The following TBCEL variants were observed in gnomAD, a reference collection of about 807,000 sequenced individuals.
The protein encoded by TBCEL is tubulin folding cofactor E like.
Under a neutral mutation model 44.2 loss-of-function variants are expected in TBCEL, and 15 were observed. The observed-to-expected ratio is 0.34, with a 90% CI of 0.23 to 0.52. TBCEL has a LOEUF of 0.52. Ranked by LOEUF, TBCEL falls within the 20% of genes least tolerant of loss-of-function variation. The pLI, the probability that TBCEL is intolerant of heterozygous loss-of-function variation, is 0.95. For missense variants in TBCEL, 319 were observed against 506.3 expected (o/e 0.63, Z 3.55); for synonymous variants, 171 against 185.4 (o/e 0.92, Z 0.63).
intron 6 of TBCEL, chr11:121,057,636 A>G (rs1035399851): frequency 2.0e-5 from 9 of 454,276 alleles, no homozygotes; most frequent in Middle Eastern, 3.6e-4. Context: ...TGCACTGAAC[A>G]TGCACAGACT....
chr11:121,076,498 A>G (rs34505832), intron 8 of TBCEL, among the ~76,000 whole-genome samples: 16,584 of 152,012 alleles, frequency 0.11, 1,003 homozygotes, highest in Middle Eastern at 0.16. Flanking sequence ...TAGAATTACA[A>G]TTGGTATTTG....
chr11:121,052,149 T>C (rs1945539831), intron 4 of TBCEL, among the ~76,000 whole-genome samples: 1 of 151,864 alleles, frequency 6.6e-6, no homozygotes, highest in East Asian at 1.9e-4. Context: ...ATGGTTCATA[T>C]TATGCTTATG....
intron 2 of TBCEL, among the ~76,000 whole-genome samples, chr11:121,043,758 T>C (rs1945376881): frequency 6.6e-6 from 1 of 152,152 alleles, no homozygotes; most frequent in Non-Finnish European, 1.5e-5. Flanking sequence ...GCTGTTTTCT[T>C]TCTTTTTCTT....
chr11:121,074,340 C>T (rs906041652), intron 8 of TBCEL, among the ~76,000 whole-genome samples: 1 of 151,944 alleles, frequency 6.6e-6, no homozygotes, highest in African/African-American at 2.4e-5. Context: ...TAGTTTCCAT[C>T]GCTATTTTGT....
Position 121,069,776 on chromosome 11 carries a change from A to G in TBCEL, c.956+9691A>G, listed in dbSNP as rs566074390. On this transcript the variant is annotated intron_variant, in intron 8 of 8. Coordinates refer to ENST00000683345, the MANE Select transcript of TBCEL (RefSeq NM_001363644.2). The stretch of plus-strand genomic sequence containing the variant: ...CGCTGCACTCCAGCCTGGGCGACAA[A>G]GCTAGACTGTCTGAAAAAAAAAAAG... Among the ~76,000 whole-genome samples, 4 of 152,220 alleles carry G rather than the reference A, an allele frequency of 2.6e-5. No individual in the cohort carries two copies. In the East Asian group the frequency reaches 7.7e-4, roughly 29 times the overall value.
At chr11:121,039,360 A>T (rs1440349577) in intron 2 of TBCEL, among the ~76,000 whole-genome samples, 1 of 152,210 alleles carries the variant, frequency 6.6e-6, no homozygotes, top group Non-Finnish European at 1.5e-5. Context: ...CTTATGTTGA[A>T]TTCACTATTT....
At chr11:121,053,294 G>A (rs1006498722) in intron 4 of TBCEL, among the ~76,000 whole-genome samples, 1 of 151,868 alleles carries the variant, frequency 6.6e-6, no homozygotes, top group African/African-American at 2.4e-5. Context: ...AGGCGACATA[G>A]GAAATCTTCC....
At chr11:121,081,346 T>C (rs1270290718) in intron 8 of TBCEL, among the ~76,000 whole-genome samples, 3 of 152,240 alleles carry the variant, frequency 2.0e-5, no homozygotes. Flanking sequence ...ACTTTACATT[T>C]TAGCATTTGA....
intron 2 of TBCEL, among the ~76,000 whole-genome samples, chr11:121,042,945 T>C (rs1053097654): frequency 9.9e-5 from 15 of 152,090 alleles, no homozygotes; most frequent in African/African-American, 3.4e-4. Context: ...CCATGTGCTT[T>C]CTATTGTACT....
intron 8 of TBCEL, among the ~76,000 whole-genome samples, chr11:121,065,693 G>A (rs925056140): frequency 2.0e-5 from 3 of 152,300 alleles, no homozygotes; most frequent in Non-Finnish European, 4.4e-5. Flanking sequence ...AAGCTATCTT[G>A]TATCCTTAGA....
At chr11:121,051,405 C>T (rs546688869) in intron 4 of TBCEL, among the ~76,000 whole-genome samples, 1 of 151,796 alleles carries the variant, frequency 6.6e-6, no homozygotes, top group South Asian at 2.1e-4. Context: ...CTGGGGTTGT[C>T]CTATAAGTTA....
At chr11:121,067,060 G>A (rs1945834562) in intron 8 of TBCEL, among the ~76,000 whole-genome samples, 1 of 152,114 alleles carries the variant, frequency 6.6e-6, no homozygotes, top group African/African-American at 2.4e-5. Flanking sequence ...TCTCGTGTCA[G>A]TTAAACATGA....
intron 2 of TBCEL, among the ~76,000 whole-genome samples, chr11:121,041,762 TAG>T (rs1308570640): frequency 9.9e-5 from 15 of 152,112 alleles, no homozygotes; most frequent in Admixed American, 2.6e-4. Flanking sequence ...AGATTTTGAG[TAG>T]AGTTACATTA....
intron 2 of TBCEL, among the ~76,000 whole-genome samples, chr11:121,045,258 T>C (rs1458221256): frequency 2.0e-5 from 3 of 152,138 alleles, no homozygotes; most frequent in Non-Finnish European, 4.4e-5. Context: ...TGGAAGAAGA[T>C]AATGGATTTT....
intron 1 of TBCEL, among the ~76,000 whole-genome samples, chr11:121,026,068 A>G (rs1173392982): frequency 6.6e-6 from 1 of 152,270 alleles, no homozygotes; most frequent in South Asian, 2.1e-4. Context: ...AACATCCCAA[A>G]TTCTTCTTAC....
chr11:121,029,059 T>C (rs767781754), intron 1 of TBCEL, among the ~76,000 whole-genome samples: 3 of 152,168 alleles, frequency 2.0e-5, no homozygotes, highest in Non-Finnish European at 4.4e-5. Flanking sequence ...CTCACTTTAT[T>C]TTGCATTTCT....
intron 7 of TBCEL, 84 bp downstream of exon 7, chr11:121,058,555 C>T (rs1945663647): frequency 6.6e-7 from 1 of 1,523,622 alleles, no homozygotes. Context: ...AGTGGGAGTG[C>T]ACTATGAAAT....
chr11:121,049,653 C>T (rs1945494239), intron 4 of TBCEL, among the ~76,000 whole-genome samples: 1 of 151,742 alleles, frequency 6.6e-6, no homozygotes, highest in African/African-American at 2.4e-5. Flanking sequence ...ATTTAACTGC[C>T]ATGCATGCTT....
At chr11:121,047,826 A>G (rs962216323) in intron 4 of TBCEL, 159 bp downstream of exon 4, 3 of 920,958 alleles carry the variant, frequency 3.3e-6, no homozygotes, top group Non-Finnish European at 4.7e-6. Flanking sequence ...TTATATCAAG[A>G]TAAATAAGGC....
Sources: gnomAD v4.1 joint callset for allele counts (sites outside exome capture counted in the v4.1 genomes callset) on GRCh38, gnomAD v4.1.1 for gene constraint, MANE v1.5 for transcripts, NCBI Gene and HGNC (gene_info 2026-07-23, HGNC 2026-07-21) for gene names.